Variants in KAZN observed in about 807,000 individuals in gnomAD.
KAZN encodes kazrin.
A neutral mutation model predicts 87.4 loss-of-function variants in KAZN; 40 were observed. That is an observed-to-expected ratio of 0.46 (90% CI 0.36 to 0.60). The LOEUF (loss-of-function observed/expected upper bound fraction) is 0.60, where lower values mean the gene tolerates loss of function less well. KAZN is among the 20% of genes least tolerant of loss of function. The pLI is 0.00. For synonymous variants in KAZN, 466 were observed against 458.3 expected (o/e 1.02, Z -0.22); for missense variants, 898 against 1,073.9 (o/e 0.84, Z 2.29).
At chr1:14,480,181 C>T (rs1364809505) in intron 2 of KAZN, among the ~76,000 whole-genome samples, 6 of 152,328 alleles carry the variant, frequency 3.9e-5, no homozygotes, top group South Asian at 2.1e-4. Flanking sequence ...CCTCTGTGCC[C>T]GCAGGCAGGC....
intron 1 of KAZN, among the ~76,000 whole-genome samples, chr1:14,607,178 G>C (rs1174648403): frequency 6.6e-6 from 1 of 152,192 alleles, no homozygotes; most frequent in Non-Finnish European, 1.5e-5. Flanking sequence ...TTTAATGATA[G>C]ATGATTTTAA....
upstream of KAZN, among the ~76,000 whole-genome samples, chr1:14,596,308 G>GCACACA (rs56758780): frequency 6.7e-6 from 1 of 150,190 alleles, no homozygotes; most frequent in Non-Finnish European, 1.5e-5. Context: ...ACACGTGTGC[G>GCACACA]CACACACACA....
chr1:15,028,570 T>C (rs1416543461), intron 2 of KAZN, among the ~76,000 whole-genome samples: 1 of 152,200 alleles, frequency 6.6e-6, no homozygotes, highest in East Asian at 1.9e-4. Flanking sequence ...AATTATTTCT[T>C]GGGGGCCCAT....
intron 1 of KAZN, among the ~76,000 whole-genome samples, chr1:13,944,329 A>G (rs1370763372): frequency 1.3e-5 from 2 of 152,220 alleles, no homozygotes; most frequent in Non-Finnish European, 2.9e-5. Flanking sequence ...AGGCAAATTT[A>G]TAGAAACAGA....
At chr1:14,517,299 C>T (rs183777881) in intron 2 of KAZN, among the ~76,000 whole-genome samples, 2 of 152,190 alleles carry the variant, frequency 1.3e-5, no homozygotes, top group African/African-American at 4.8e-5. Flanking sequence ...GATCATCTTA[C>T]CACCAAGAGG....
chr1:14,755,787 G>A (rs962023803), intron 1 of KAZN, among the ~76,000 whole-genome samples: 6 of 152,116 alleles, frequency 3.9e-5, no homozygotes, highest in Non-Finnish European at 7.3e-5. Context: ...ATTAAGAGCC[G>A]GGAAGAAAAG....
chr1:15,087,133 A>C (rs1412519202), intron 8 of KAZN, among the ~76,000 whole-genome samples: 1 of 152,208 alleles, frequency 6.6e-6, no homozygotes, highest in Non-Finnish European at 1.5e-5. Flanking sequence ...CAAACCAAAG[A>C]AAAAAATAAT....
At position 14,416,414 on chromosome 1, in the gene KAZN, G is replaced by A. The variant is rs554373157; in HGVS notation, c.250-182569G>A. Reference sequence around the variant, plus strand: ...AAAGTGACATTTCAGCAGTAAATTAGAGAACATTTGCCTTGATAGTAATAT... The same window carrying A: ...AAAGTGACATTTCAGCAGTAAATTAAAGAACATTTGCCTTGATAGTAATAT... On this transcript the variant is annotated intron_variant, in intron 2 of 16. Coordinates refer to the KAZN transcript ENST00000636203. 1.3e-3 allele frequency among the ~76,000 whole-genome samples: 194 copies of A among 152,294 alleles called. 1 individual carries two copies. Among genetic ancestry groups the A allele is most frequent in the Non-Finnish European group, 2.3e-3 (156 of 68,028 alleles).
At chr1:14,112,023 C>T (rs1437885787) in intron 1 of KAZN, among the ~76,000 whole-genome samples, 1 of 152,084 alleles carries the variant, frequency 6.6e-6, no homozygotes, top group Admixed American at 6.5e-5. Flanking sequence ...CAGACGTGAG[C>T]CACCACGCTC....
intron 2 of KAZN, among the ~76,000 whole-genome samples, chr1:14,438,247 C>T (rs1666511262): frequency 1.3e-5 from 2 of 152,214 alleles, no homozygotes; most frequent in African/African-American, 4.8e-5. Flanking sequence ...TACCAAGTGC[C>T]TGCCAGGTGC....
chr1:14,483,809 T>G (rs1192767296), intron 2 of KAZN, among the ~76,000 whole-genome samples: 1 of 152,232 alleles, frequency 6.6e-6, no homozygotes, highest in Admixed American at 6.5e-5. Flanking sequence ...CCCCTATTTT[T>G]GGGGTCATAG....
At chr1:15,083,859 A>G (rs1169091232) in intron 8 of KAZN, among the ~76,000 whole-genome samples, 1 of 152,168 alleles carries the variant, frequency 6.6e-6, no homozygotes, top group African/African-American at 2.4e-5. Context: ...GTAACCAAGC[A>G]CAGGCGTTCA....
intron 1 of KAZN, among the ~76,000 whole-genome samples, chr1:13,925,608 G>A (rs144650046): frequency 1.4e-4 from 22 of 152,342 alleles, no homozygotes; most frequent in African/African-American, 5.3e-4. Context: ...GAGGCACTGA[G>A]CTGGGGTAGG....
At chr1:14,705,979 T>A (rs937266038) in intron 1 of KAZN, among the ~76,000 whole-genome samples, 1 of 152,106 alleles carries the variant, frequency 6.6e-6, no homozygotes, top group Non-Finnish European at 1.5e-5. Context: ...TTCATCTGTA[T>A]TTACAGCCAC....
intron 1 of KAZN, among the ~76,000 whole-genome samples, chr1:14,795,861 G>C (rs952344636): frequency 6.6e-6 from 1 of 152,084 alleles, no homozygotes; most frequent in South Asian, 2.1e-4. Context: ...CATCACTCAG[G>C]ACTCTGCACA....
chr1:14,502,165 C>A (rs1222556840), intron 2 of KAZN, among the ~76,000 whole-genome samples: 1 of 151,932 alleles, frequency 6.6e-6, no homozygotes, highest in Non-Finnish European at 1.5e-5. Context: ...CCCCTGAGAG[C>A]CACTGCCAGG....
At chr1:15,073,074 G>T (rs982209606) in intron 8 of KAZN, among the ~76,000 whole-genome samples, 5 of 152,222 alleles carry the variant, frequency 3.3e-5, no homozygotes, top group Non-Finnish European at 7.3e-5. Flanking sequence ...AGCAGGCAGG[G>T]CTCCAGCCTA....
chr1:13,894,350 G>C (rs918781255), intron 1 of KAZN, among the ~76,000 whole-genome samples: 3 of 151,968 alleles, frequency 2.0e-5, no homozygotes, highest in African/African-American at 7.3e-5. Context: ...CATGGGCTGC[G>C]GGCCTTATAA....
chr1:14,257,220 GTGA>G (rs1430250482), intron 2 of KAZN, among the ~76,000 whole-genome samples: 2 of 151,974 alleles, frequency 1.3e-5, no homozygotes, highest in Non-Finnish European at 2.9e-5. Context: ...CTGATGGCCA[GTGA>G]TGATGAGCAT....
Sources: allele counts gnomAD v4.1 joint callset (sites outside exome capture counted in the v4.1 genomes callset), GRCh38; gene constraint gnomAD v4.1.1; transcripts MANE v1.5; gene names NCBI Gene and HGNC (gene_info 2026-07-23, HGNC 2026-07-21).